The following SETD2 variants were observed in gnomAD, a reference collection of about 807,000 sequenced individuals.
SETD2 encodes the protein histone-lysine N-methyltransferase SETD2.
SETD2 carries 31 observed loss-of-function variants against 242.1 expected under a neutral mutation model. The ratio of observed to expected loss-of-function variants is 0.13; its 90% CI spans 0.10 to 0.17. The LOEUF (loss-of-function observed/expected upper bound fraction) is 0.17, where lower values mean the gene tolerates loss of function less well. SETD2 is among the 10% of genes least tolerant of loss of function. The pLI is 1.00. For missense variants in SETD2, 2,481 were observed against 3,046.3 expected (o/e 0.81, Z 4.37); for synonymous variants, 1,006 against 1,066.5 (o/e 0.94, Z 1.11).
intron 1 of SETD2, among the ~76,000 whole-genome samples, chr3:47,143,803 C>T (rs1442037170): frequency 2.0e-5 from 3 of 152,060 alleles, no homozygotes; most frequent in East Asian, 1.9e-4. Context: ...CTCCACCTCC[C>T]GGGTTCATGC....
intron 14 of SETD2, among the ~76,000 whole-genome samples, chr3:47,058,440 C>CAAAAAAAAAA (rs1174283471): frequency 8.2e-4 from 18 of 21,970 alleles, no homozygotes; most frequent in African/African-American, 4.2e-3. Context: ...GACACCGTCT[C>CAAAAAAAAAA]AAAAAAAAAA....
intron 1 of SETD2, among the ~76,000 whole-genome samples, chr3:47,149,586 T>A (rs1298609778): frequency 6.6e-6 from 1 of 152,214 alleles, no homozygotes; most frequent in Non-Finnish European, 1.5e-5. Flanking sequence ...ACCATCTGCC[T>A]ACTCCATTTT....
chr3:47,067,406 C>CTTTTTTTT (rs548953692), intron 12 of SETD2, among the ~76,000 whole-genome samples: 1 of 83,900 alleles, frequency 1.2e-5, no homozygotes, highest in Non-Finnish European at 2.2e-5. Context: ...TCCTGAGCAT[C>CTTTTTTTT]TTTTTTTTTT....
chr3:47,043,035 T>TAA (rs745775506), intron 16 of SETD2, among the ~76,000 whole-genome samples: 17 of 132,934 alleles, frequency 1.3e-4, no homozygotes, highest in Non-Finnish European at 2.1e-4. Flanking sequence ...TCTTTATCTT[T>TAA]AAAAAAAAAA....
In SETD2 at chr3:47,017,571, G is replaced by C; in HGVS notation, c.7533+67C>G. ...AAAAATACTTTCTATGATGAAAAGGGCTTCTTAGAAGGTACACAGTTTGCC... is the reference window on the plus strand; with the variant it reads ...AAAAATACTTTCTATGATGAAAAGGCCTTCTTAGAAGGTACACAGTTTGCC... On this transcript the variant is annotated intron_variant, in intron 20 of 20. Coordinates refer to ENST00000409792, the MANE Select transcript of SETD2 (RefSeq NM_014159.7). The surrounding 1 kb of genome is among the most constrained non-coding windows in gnomAD (Gnocchi z 4.8). 4 of 1,133,152 alleles carry C rather than the reference G, an allele frequency of 3.5e-6. No individual in the cohort carries two copies. Among genetic ancestry groups the C allele is most frequent in the Non-Finnish European group, 5.3e-6 (4 of 751,236 alleles). The allele number at this position is 1,133,152 out of a possible 1,614,324, so 70.2% of individuals were successfully genotyped here. A position where few individuals can be genotyped will look rare whatever the true frequency, so the allele number is the denominator to read the frequency against.
In SETD2 at chr3:47,123,398, G is replaced by A. The variant is rs889546801; in HGVS notation, c.1238C>T (p.Ser413Phe). 2 of 1,551,656 alleles carry A rather than the reference G, an allele frequency of 1.3e-6. No homozygotes were observed. Among genetic ancestry groups the A allele is most frequent in the South Asian group, 1.2e-5 (1 of 84,056 alleles). ...SRSHSRSERG[S>F]RTNLSYSRSE... ...CCTGGAATAGGATAAATTAGTTCTA[G>A]AGCCTCTCTCAGACCTAGAGTGAGA... The change falls in exon 3 of 21, where the codon TCT (serine) becomes TTT (phenylalanine). Residue 413 changes from serine to phenylalanine, a missense_variant. By Grantham distance (155) the Ser-to-Phe change is radical (BLOSUM62 -2). Around this residue, in one of 17 missense-constraint regions of SETD2, gnomAD observed 1,300 missense variants for 1,259.2 expected, o/e 1.03. Transcript: ENST00000409792.
intron 7 of SETD2, 86 bp from the exon 8 acceptor site, chr3:47,101,641 T>C (rs1350453182): frequency 7.2e-6 from 5 of 692,872 alleles, no homozygotes; most frequent in South Asian, 6.2e-5. Context: ...TGTGCGCATA[T>C]ATAAAGATCA....
intron 6 of SETD2, 186 bp downstream of exon 6, chr3:47,105,811 G>C (rs781090974): frequency 1.8e-6 from 1 of 548,838 alleles, no homozygotes; most frequent in South Asian, 1.9e-5. Flanking sequence ...GCTGAGGCAG[G>C]AGAATCTCTT....
chr3:47,044,122 C>A (rs1199721578), intron 16 of SETD2, among the ~76,000 whole-genome samples: 1 of 151,816 alleles, frequency 6.6e-6, no homozygotes, highest in East Asian at 1.9e-4. Flanking sequence ...GCAGGTGGAT[C>A]ACGAGGTCAG....
chr3:47,120,301 A>T lies in SETD2; in HGVS notation c.4335T>A (p.Val1445=), dbSNP rs2107740036. The T allele has an allele frequency of 6.2e-7, 1 of 1,613,988 alleles. No individual in the cohort carries two copies. Among genetic ancestry groups the T allele is most frequent in the Non-Finnish European group, 8.5e-7 (1 of 1,179,966 alleles). The part of the protein sequence containing the change: ...ETSVPPGSAL[V]GPSCVMDDFR... ...AGTCATCCATGACACAGGAGGGCCC[A>T]ACCAGTGCTGAACCTGGGGGCACTG... Residue 1445 remains valine, a synonymous_variant, in exon 3 of 21, where the codon GTT becomes GTA. Transcript: ENST00000409792.
intron 10 of SETD2, among the ~76,000 whole-genome samples, chr3:47,087,110 C>G (rs1450800265): frequency 1.3e-5 from 2 of 151,144 alleles, no homozygotes; most frequent in Non-Finnish European, 2.9e-5. Flanking sequence ...AAAAAGGGTA[C>G]CGTTAAAATT....
At chr3:47,112,113 T>C (rs1559732116) in intron 5 of SETD2, among the ~76,000 whole-genome samples, 1 of 128,864 alleles carries the variant, frequency 7.8e-6, no homozygotes, top group African/African-American at 3.1e-5. Context: ...TCATTAAGAA[T>C]ACTTTTTTTT....
chr3:47,071,726 A>T (rs2040828432), intron 12 of SETD2, among the ~76,000 whole-genome samples: 1 of 152,130 alleles, frequency 6.6e-6, no homozygotes, highest in Admixed American at 6.5e-5. Context: ...CTTTAACTCG[A>T]AATAGTATGT....
chr3:47,085,489 A>T (rs1484389168), intron 11 of SETD2, among the ~76,000 whole-genome samples: 5 of 152,070 alleles, frequency 3.3e-5, no homozygotes, highest in African/African-American at 1.2e-4. Context: ...AAATCCAAGA[A>T]TTTTTTCTGA....
rs575445894 is a variant in SETD2 at position 47,156,112 on chromosome 3, T to C, written c.71+7742A>G. 2.6e-5 allele frequency among the ~76,000 whole-genome samples: 4 copies of C among 152,232 alleles called. No homozygotes were observed. The South Asian group carries it at 8.3e-4, about 32-fold the overall frequency. On this transcript the variant is annotated intron_variant, in intron 1 of 20. Coordinates refer to ENST00000409792, the MANE Select transcript of SETD2 (RefSeq NM_014159.7). ...GGCTCCAGCAGAGCCACGTAATAGATTTATGGACAGAGAAGCTGGTCAACT... is the reference window on the plus strand; with the variant it reads ...GGCTCCAGCAGAGCCACGTAATAGACTTATGGACAGAGAAGCTGGTCAACT...
At chr3:47,080,823 A>C in intron 12 of SETD2, 2 of 986,632 alleles carry the variant, frequency 2.0e-6, no homozygotes, top group Non-Finnish European at 2.4e-6. Flanking sequence ...CGCCAGGAGT[A>C]GGGATTTTCC....
intron 1 of SETD2, among the ~76,000 whole-genome samples, chr3:47,142,660 T>C (rs1330070544): frequency 6.6e-6 from 1 of 151,228 alleles, no homozygotes; most frequent in Non-Finnish European, 1.5e-5. Flanking sequence ...GAATACCATA[T>C]ATACATTGTC....
At chr3:47,157,447 T>A in intron 1 of SETD2, 1 of 455,974 alleles carries the variant, frequency 2.2e-6, no homozygotes, top group Non-Finnish European at 4.4e-6. Flanking sequence ...GACTGCTTTG[T>A]ATCTCATTTG....
At chr3:47,116,882 C>A in intron 3 of SETD2, 128 bp from the exon 4 acceptor site, 1 of 641,122 alleles carries the variant, frequency 1.6e-6, no homozygotes, top group African/African-American at 1.9e-5. Flanking sequence ...CTTGTTCTGT[C>A]ACCCAGGCCA....
Sources: allele counts gnomAD v4.1 joint callset (sites outside exome capture counted in the v4.1 genomes callset), GRCh38; gene constraint gnomAD v4.1.1; regional missense constraint gnomAD v4.1.1; non-coding constraint Gnocchi (gnomAD v3.1); transcripts MANE v1.5; gene names NCBI Gene and HGNC (gene_info 2026-07-23, HGNC 2026-07-21).